The following ASTN1 variants were observed in gnomAD, a reference collection of about 807,000 sequenced individuals.
ASTN1 encodes the protein astrotactin-1.
Under a neutral mutation model 140.7 loss-of-function variants are expected in ASTN1, and 41 were observed. The ratio of observed to expected loss-of-function variants is 0.29; its 90% CI spans 0.23 to 0.38. The LOEUF is 0.38. Among genes scored for constraint, ASTN1 ranks in the 10% least tolerant of loss-of-function variants. The pLI, the probability that ASTN1 is intolerant of heterozygous loss-of-function variation, is 1.00. For missense variants in ASTN1, 1,479 were observed against 1,678.8 expected (o/e 0.88, Z 2.08); for synonymous variants, 640 against 652.2 (o/e 0.98, Z 0.29).
chr1:176,868,771 A>G, intron 22 of ASTN1, 73 bp downstream of exon 22: 8 of 1,428,466 alleles, frequency 5.6e-6, no homozygotes, highest in Non-Finnish European at 7.6e-6. Flanking sequence ...AACTTCATGG[A>G]TGCAGTATTA....
intron 11 of ASTN1, 80 bp downstream of exon 11, chr1:176,957,598 A>T: frequency 6.6e-7 from 1 of 1,520,276 alleles, no homozygotes; most frequent in African/African-American, 1.4e-5. Flanking sequence ...ATTTTTCCCT[A>T]TGTATCTGTA....
chr1:177,061,222 C>A lies in ASTN1; in HGVS notation c.327G>T (p.Arg109Ser), dbSNP rs1156927675. 1 of 1,600,210 alleles carries A rather than the reference C, an allele frequency of 6.2e-7. No homozygotes were observed. Among genetic ancestry groups the A allele is most frequent in the Non-Finnish European group, 8.5e-7 (1 of 1,173,406 alleles). The change falls in exon 2 of 23, where the codon AGG becomes AGT. Residue 109 changes from arginine (R) to serine (S), a missense_variant. Coordinates refer to ENST00000361833, the MANE Select transcript of ASTN1 (RefSeq NM_004319.3). ...NTEDIPLVRW[R>S]QQWLENGTLL... is the part of the protein sequence containing the mutation. ...AAGTGCCATTCTCCAGCCACTGCTG[C>A]CTCCAGCGCACCAAAGGGATATCCT...
intron 16 of ASTN1, among the ~76,000 whole-genome samples, chr1:176,908,843 C>T (rs1481770064): frequency 6.6e-6 from 1 of 152,084 alleles, no homozygotes; most frequent in African/African-American, 2.4e-5. Context: ...TAGCAATGCT[C>T]AGAAAGAAAA....
chr1:177,060,306 T>A (rs1678020898), intron 2 of ASTN1, among the ~76,000 whole-genome samples: 1 of 152,190 alleles, frequency 6.6e-6, no homozygotes, highest in Admixed American at 6.5e-5. Flanking sequence ...GAGGTGCAAG[T>A]GTCTACCCAC....
chr1:176,957,411 C>A (rs556837792), intron 11 of ASTN1, among the ~76,000 whole-genome samples: 1 of 152,178 alleles, frequency 6.6e-6, no homozygotes, highest in Non-Finnish European at 1.5e-5. Context: ...CAATGTCATA[C>A]AATTAAGCAA....
intron 1 of ASTN1, among the ~76,000 whole-genome samples, chr1:177,062,355 C>A: frequency 6.6e-6 from 1 of 151,932 alleles, no homozygotes; most frequent in East Asian, 1.9e-4. Context: ...ATCCTCCCAC[C>A]CCAGCCTCCC....
chr1:177,040,371 G>A (rs1201980921), intron 2 of ASTN1, among the ~76,000 whole-genome samples: 2 of 152,166 alleles, frequency 1.3e-5, no homozygotes, highest in Non-Finnish European at 2.9e-5. Flanking sequence ...CCCAGCCCGC[G>A]CTGCCTTGTT....
intron 8 of ASTN1, among the ~76,000 whole-genome samples, chr1:176,997,304 C>T (rs1389131413): frequency 2.0e-5 from 3 of 152,088 alleles, no homozygotes; most frequent in Non-Finnish European, 4.4e-5. Flanking sequence ...AATTTGTTCC[C>T]AGCAAAGTGA....
At position 177,149,828 on chromosome 1, in the gene ASTN1, TAC is replaced by T. The variant is rs1362066974; in HGVS notation, c.283+14564_283+14565del. 1.6e-4 allele frequency among the ~76,000 whole-genome samples: 20 copies of T among 126,246 alleles called. 2 individuals carry two copies. Among genetic ancestry groups the T allele is most frequent in the African/African-American group, 5.2e-4 (16 of 30,604 alleles). 82.8% of individuals were successfully genotyped at this position (126,246 alleles called of 152,430 possible). A position where few individuals can be genotyped will look rare whatever the true frequency, so the allele number is the denominator to read the frequency against. On this transcript the variant is annotated intron_variant, in intron 1 of 22. Transcript: ENST00000361833. ...ATAGTAAATATATATACAGTGTATA[TAC>T]ATAGTAAATATATATACAGTGTATA...
intron 1 of ASTN1, among the ~76,000 whole-genome samples, chr1:177,114,456 CA>C (rs2102163209): frequency 6.6e-6 from 1 of 151,940 alleles, no homozygotes; most frequent in Admixed American, 6.6e-5. Flanking sequence ...TAAATTGTTA[CA>C]ATTTTAAGAT....
intron 2 of ASTN1, among the ~76,000 whole-genome samples, chr1:177,059,843 C>T (rs1420947575): frequency 6.6e-6 from 1 of 152,186 alleles, no homozygotes; most frequent in Non-Finnish European, 1.5e-5. Context: ...AACTAAGACT[C>T]AAGCTGCTTC....
At chr1:176,921,033 A>G (rs1375404654) in intron 16 of ASTN1, among the ~76,000 whole-genome samples, 1 of 152,170 alleles carries the variant, frequency 6.6e-6, no homozygotes, top group Non-Finnish European at 1.5e-5. Context: ...TATCAGTAAC[A>G]GAGACTGAAA....
At chr1:177,000,358 T>C (rs922850531) in intron 8 of ASTN1, among the ~76,000 whole-genome samples, 3 of 152,194 alleles carry the variant, frequency 2.0e-5, no homozygotes, top group African/African-American at 7.2e-5. Context: ...CTGGGCAACA[T>C]AGTCTAAAAG....
At chr1:176,898,435 A>T (rs532217508) in intron 16 of ASTN1, among the ~76,000 whole-genome samples, 11 of 152,198 alleles carry the variant, frequency 7.2e-5, no homozygotes, top group African/African-American at 7.2e-5. Flanking sequence ...AAGAATAGAG[A>T]TGTGTGTGTG....
intron 16 of ASTN1, among the ~76,000 whole-genome samples, chr1:176,916,449 G>A (rs1019535189): frequency 1.3e-5 from 2 of 152,136 alleles, no homozygotes; most frequent in African/African-American, 4.8e-5. Flanking sequence ...TTTAATGTCT[G>A]GGTGAAAGAT....
chr1:177,035,621 G>T (rs1676676426), intron 2 of ASTN1, among the ~76,000 whole-genome samples: 1 of 152,144 alleles, frequency 6.6e-6, no homozygotes, highest in South Asian at 2.1e-4. Context: ...GATACCATTA[G>T]GCCTTCAACT....
chr1:177,060,960 C>T, intron 2 of ASTN1, 118 bp downstream of exon 2: 1 of 1,060,658 alleles, frequency 9.4e-7, no homozygotes, highest in Non-Finnish European at 1.3e-6. Flanking sequence ...TACTTATTAA[C>T]ATGATCAATG....
At chr1:176,916,049 A>C (rs1670466590) in intron 16 of ASTN1, among the ~76,000 whole-genome samples, 1 of 152,180 alleles carries the variant, frequency 6.6e-6, no homozygotes, top group Non-Finnish European at 1.5e-5. Context: ...TGGAAAAATC[A>C]CTGGGATCTT....
intron 11 of ASTN1, among the ~76,000 whole-genome samples, chr1:176,957,105 T>C (rs1039013046): frequency 2.0e-5 from 3 of 152,006 alleles, no homozygotes; most frequent in Admixed American, 2.0e-4. Flanking sequence ...GGTCTCACTA[T>C]GTTGCCCAGG....
Sources: gnomAD v4.1 joint callset for allele counts (sites outside exome capture counted in the v4.1 genomes callset) on GRCh38, gnomAD v4.1.1 for gene constraint, MANE v1.5 for transcripts, NCBI Gene and HGNC (gene_info 2026-07-23, HGNC 2026-07-21) for gene names.